Variants in UQCC1 observed in about 807,000 individuals in gnomAD.
UQCC1 encodes the protein bFGF-repressed Zic-binding protein.
UQCC1 carries 38 observed loss-of-function variants against 48.0 expected under a neutral mutation model. The ratio of observed to expected loss-of-function variants is 0.79; its 90% CI spans 0.61 to 1.04. UQCC1 has a LOEUF of 1.04. Ranked by LOEUF, UQCC1 falls within the 50% of genes least tolerant of loss-of-function variation. The pLI, the probability that UQCC1 is intolerant of heterozygous loss-of-function variation, is 0.00. For synonymous variants in UQCC1, 111 were observed against 129.2 expected, an observed-to-expected ratio of 0.86 and a Z score of 0.95; for missense variants, 368 against 381.8, an observed-to-expected ratio of 0.96 and a Z score of 0.30.
At chr20:35,399,759 A>C (rs963954075) in intron 1 of UQCC1, among the ~76,000 whole-genome samples, 2 of 150,288 alleles carry the variant, frequency 1.3e-5, no homozygotes, top group African/African-American at 4.9e-5. Context: ...CGGGAGGCTG[A>C]GGCATGGAGA....
intron 8 of UQCC1, among the ~76,000 whole-genome samples, chr20:35,309,541 G>A (rs776861430): frequency 3.9e-5 from 6 of 152,142 alleles, no homozygotes; most frequent in Non-Finnish European, 8.8e-5. Context: ...CTAATCTGAG[G>A]GTGCACATTT....
chr20:35,306,333 A>G lies in UQCC1; in HGVS notation c.765+333T>C, dbSNP rs1034821258. The G allele has an allele frequency of 2.2e-5, 6 of 271,928 alleles. 1 individual carries two copies. Among genetic ancestry groups the G allele is most frequent in the African/African-American group, 1.1e-4 (5 of 45,924 alleles). The allele number at this position is 271,928 out of a possible 1,614,324, so 16.8% of individuals were successfully genotyped here. Reference sequence around the variant, plus strand: ...GCAGCTGCTACTACACCACGTGCTCATATCTGCCAGGACTCTGTGGGCCCA... The same window carrying G: ...GCAGCTGCTACTACACCACGTGCTCGTATCTGCCAGGACTCTGTGGGCCCA... On this transcript the variant is annotated intron_variant, in intron 9 of 9. Transcript: ENST00000374385.
At chr20:35,395,968 G>A (rs1045305221) in intron 1 of UQCC1, among the ~76,000 whole-genome samples, 3 of 147,478 alleles carry the variant, frequency 2.0e-5, no homozygotes, top group African/African-American at 4.9e-5. Flanking sequence ...TTCAAATTAC[G>A]GTTTGCAATG....
intron 6 of UQCC1, among the ~76,000 whole-genome samples, chr20:35,351,391 CAAAA>C (rs11478013): frequency 5.0e-5 from 6 of 119,840 alleles, no homozygotes; most frequent in Non-Finnish European, 8.7e-5. Flanking sequence ...GACTCCATCT[CAAAA>C]AAAAAAAAAA....
chr20:35,341,157 G>A (rs1182365360), intron 7 of UQCC1, among the ~76,000 whole-genome samples: 1 of 150,372 alleles, frequency 6.7e-6, no homozygotes, highest in African/African-American at 2.5e-5. Flanking sequence ...GGAGGCAGAG[G>A]TTGCAGTGAG....
chr20:35,409,065 T>C (rs967186497), intron 1 of UQCC1, among the ~76,000 whole-genome samples: 1 of 152,142 alleles, frequency 6.6e-6, no homozygotes, highest in Non-Finnish European at 1.5e-5. Flanking sequence ...GAGTTATTAA[T>C]AGGTTCAGAG....
intron 8 of UQCC1, among the ~76,000 whole-genome samples, chr20:35,313,988 G>A (rs1238227135): frequency 6.7e-6 from 1 of 150,164 alleles, no homozygotes; most frequent in African/African-American, 2.4e-5. Flanking sequence ...TTTTTGAGAC[G>A]GAGTCTCACT....
intron 2 of UQCC1, among the ~76,000 whole-genome samples, chr20:35,388,308 TGAGACAGG>T: frequency 8.2e-6 from 1 of 121,250 alleles, no homozygotes. Context: ...TCTTTTTTTT[TGAGACAGG>T]GTCTTGCTCT....
chr20:35,381,773 G>T, intron 4 of UQCC1, 145 bp downstream of exon 4: 2 of 624,912 alleles, frequency 3.2e-6, no homozygotes, highest in South Asian at 1.9e-5. Flanking sequence ...GATCAATGGG[G>T]TGACAGATGT....
At chr20:35,310,846 C>T (rs1209794567) in intron 8 of UQCC1, among the ~76,000 whole-genome samples, 1 of 146,502 alleles carries the variant, frequency 6.8e-6, no homozygotes, top group Admixed American at 6.8e-5. Context: ...GCGCCCACCA[C>T]CATGCCGGGC....
intron 7 of UQCC1, among the ~76,000 whole-genome samples, chr20:35,327,829 C>A (rs192416213): frequency 1.7e-4 from 26 of 152,096 alleles, no homozygotes; most frequent in Admixed American, 8.5e-4. Context: ...TGGTGAAACC[C>A]CTTCTTTACT....
In UQCC1 at chr20:35,382,199, T is replaced by C. The variant is rs145434515; in HGVS notation, c.226-174A>G. On this transcript the variant is annotated intron_variant, in intron 3 of 9. Transcript: ENST00000374385. ...ATAGCTCACTGCAGCCTCAAACTTCTGGGCTCAAGTGATCCTCCTGCCTCA... is the reference window on the plus strand; with the variant it reads ...ATAGCTCACTGCAGCCTCAAACTTCCGGGCTCAAGTGATCCTCCTGCCTCA... Among the ~76,000 whole-genome samples the C allele has an allele frequency of 4.8e-4, 73 of 152,200 alleles. 1 individual carries two copies. In the East Asian group the frequency reaches 0.013, roughly 27 times the overall value.
intron 3 of UQCC1, 58 bp downstream of exon 3, chr20:35,383,980 C>A: frequency 6.7e-7 from 1 of 1,493,362 alleles, no homozygotes; most frequent in South Asian, 1.2e-5. Context: ...TTGTTGAGAT[C>A]CAAAGAACAC....
intron 7 of UQCC1, among the ~76,000 whole-genome samples, chr20:35,321,283 T>TGTGTGTGTGTGTGTGC (rs1389196330): frequency 3.5e-4 from 49 of 141,590 alleles, no homozygotes; most frequent in African/African-American, 1.4e-3. Flanking sequence ...TGTGTGTGTG[T>TGTGTGTGTGTGTGTGC]GCGCGCGCGC....
At chr20:35,400,171 C>T (rs1405398285) in intron 1 of UQCC1, among the ~76,000 whole-genome samples, 1 of 151,966 alleles carries the variant, frequency 6.6e-6, no homozygotes, top group Non-Finnish European at 1.5e-5. Context: ...GGTGATCCAC[C>T]GGCCTCGGCT....
At chr20:35,350,348 G>T (rs908480238) in intron 6 of UQCC1, among the ~76,000 whole-genome samples, 2 of 152,160 alleles carry the variant, frequency 1.3e-5, no homozygotes, top group South Asian at 2.1e-4. Context: ...TAGAGAATTT[G>T]TCTGTCACGG....
intron 5 of UQCC1, among the ~76,000 whole-genome samples, chr20:35,369,404 G>A (rs917798361): frequency 6.6e-6 from 1 of 152,246 alleles, no homozygotes; most frequent in South Asian, 2.1e-4. Flanking sequence ...AAAACCTGCT[G>A]TAGTATTTTG....
At chr20:35,355,708 TACCTTC>T (rs2061539043) in intron 6 of UQCC1, among the ~76,000 whole-genome samples, 1 of 152,162 alleles carries the variant, frequency 6.6e-6, no homozygotes, top group Non-Finnish European at 1.5e-5. Context: ...GTCTCCTTCC[TACCTTC>T]ATCCCCTGCC....
At chr20:35,369,434 C>A (rs2061704851) in intron 5 of UQCC1, among the ~76,000 whole-genome samples, 1 of 152,246 alleles carries the variant, frequency 6.6e-6, no homozygotes, top group African/African-American at 2.4e-5. Flanking sequence ...CACTCTTGCT[C>A]CAATGCACAT....
Sources: allele counts gnomAD v4.1 joint callset (sites outside exome capture counted in the v4.1 genomes callset), GRCh38; gene constraint gnomAD v4.1.1; transcripts MANE v1.5; gene names NCBI Gene and HGNC (gene_info 2026-07-23, HGNC 2026-07-21).